The following LRRC37A2 variants were observed in gnomAD, a reference collection of about 807,000 sequenced individuals.
The protein encoded by LRRC37A2 is leucine rich repeat containing 37 member A2.
In LRRC37A2, 9 loss-of-function variants were observed where a neutral mutation model predicts 68.8. The ratio of observed to expected loss-of-function variants is 0.13; its 90% CI spans 0.08 to 0.23. The LOEUF is 0.23. LRRC37A2 is among the 10% of genes least tolerant of loss of function. LRRC37A2 has a pLI of 1.00. For synonymous variants in LRRC37A2, 63 were observed against 367.6 expected (o/e 0.17, Z 9.48); for missense variants, 168 against 950.4 (o/e 0.18, Z 10.82).
At chr17:46,710,983 A>G in the LRRC37A2 span, 2 of 1,593,556 alleles carry the variant, frequency 1.3e-6, no homozygotes, top group Non-Finnish European at 1.7e-6. Context: ...CAAACCAAGA[A>G]GATTATGCAA....
At chr17:46,858,469 T>C in the LRRC37A2 span, among the ~76,000 whole-genome samples, 4 of 143,798 alleles carry the variant, frequency 2.8e-5, no homozygotes, top group Non-Finnish European at 5.9e-5. Context: ...TTCTCCTTTT[T>C]ATTTTATTTT....
At chr17:46,888,611 G>A in the LRRC37A2 span, among the ~76,000 whole-genome samples, 7 of 152,134 alleles carry the variant, frequency 4.6e-5, 1 homozygote, top group Admixed American at 4.6e-4. Context: ...ACTAAGGGGG[G>A]TTCTTGGCTC....
the LRRC37A2 span, among the ~76,000 whole-genome samples, chr17:47,036,604 C>T: frequency 6.6e-6 from 1 of 151,582 alleles, no homozygotes; most frequent in African/African-American, 2.4e-5. Context: ...AACATTATTT[C>T]CACGTAGAAT....
the LRRC37A2 span, among the ~76,000 whole-genome samples, chr17:46,744,200 C>T: frequency 6.6e-6 from 1 of 152,212 alleles, no homozygotes; most frequent in East Asian, 1.9e-4. Flanking sequence ...TATTTGAAGG[C>T]ACAAACCAAA....
At chr17:46,755,379 TACA>T in the LRRC37A2 span, 1 of 1,609,508 alleles carries the variant, frequency 6.2e-7, no homozygotes, top group Non-Finnish European at 8.5e-7. Context: ...CGTAAGTACA[TACA>T]ACATTTAATG....
At chr17:46,866,643 A>G in the LRRC37A2 span, among the ~76,000 whole-genome samples, 1 of 152,114 alleles carries the variant, frequency 6.6e-6, no homozygotes, top group Non-Finnish European at 1.5e-5. Context: ...CACCCCGGGC[A>G]GCACAAGGCT....
At chr17:46,606,047 C>T in the LRRC37A2 span, among the ~76,000 whole-genome samples, 3 of 95,408 alleles carry the variant, frequency 3.1e-5, no homozygotes, top group Admixed American at 1.2e-4. Flanking sequence ...GGTGTGGTGG[C>T]GCATGCCTGT....
the LRRC37A2 span, among the ~76,000 whole-genome samples, chr17:46,849,525 T>A: frequency 6.6e-6 from 1 of 152,136 alleles, no homozygotes; most frequent in Non-Finnish European, 1.5e-5. Flanking sequence ...CTCACACTGG[T>A]CCAGCTCAGG....
chr17:46,765,415 A>C, the LRRC37A2 span, among the ~76,000 whole-genome samples: 1 of 152,246 alleles, frequency 6.6e-6, no homozygotes, highest in Admixed American at 6.5e-5. Context: ...GGTTAGCCAG[A>C]GACACTGGGT....
the LRRC37A2 span, among the ~76,000 whole-genome samples, chr17:47,012,220 A>AC: frequency 6.6e-6 from 1 of 152,090 alleles, no homozygotes; most frequent in East Asian, 1.9e-4. Context: ...TTGTCAATTT[A>AC]TTATTATTAT....
the LRRC37A2 span, among the ~76,000 whole-genome samples, chr17:46,841,107 G>A: frequency 1.4e-4 from 22 of 152,264 alleles, no homozygotes; most frequent in Non-Finnish European, 2.2e-4. Context: ...AGAGGGTGCC[G>A]ACAGACAAGG....
At chr17:46,680,448 A>G in the LRRC37A2 span, among the ~76,000 whole-genome samples, 3 of 151,922 alleles carry the variant, frequency 2.0e-5, no homozygotes, top group African/African-American at 7.3e-5. Flanking sequence ...ACAGCATACA[A>G]AATTGCAAGT....
chr17:46,987,251 CAATAAT>C, the LRRC37A2 span, among the ~76,000 whole-genome samples: 2 of 151,394 alleles, frequency 1.3e-5, no homozygotes, highest in Non-Finnish European at 2.9e-5. Flanking sequence ...TCAAAAATAA[CAATAAT>C]AATAATAATA....
the LRRC37A2 span, among the ~76,000 whole-genome samples, chr17:46,731,630 C>A: frequency 2.6e-5 from 4 of 151,952 alleles, no homozygotes; most frequent in Non-Finnish European, 4.4e-5. Context: ...GGAATTGGAT[C>A]ATTTAAAAAG....
the LRRC37A2 span, among the ~76,000 whole-genome samples, chr17:46,988,813 C>T: frequency 1.3e-5 from 2 of 152,190 alleles, no homozygotes; most frequent in Non-Finnish European, 2.9e-5. Flanking sequence ...ATTCACTGAA[C>T]ACGTACTGAG....
chr17:46,870,726 G>A, the LRRC37A2 span, among the ~76,000 whole-genome samples: 13 of 152,114 alleles, frequency 8.5e-5, no homozygotes, highest in African/African-American at 1.2e-4. Flanking sequence ...CAGATGTCCT[G>A]GCTAAGGCAG....
the LRRC37A2 span, among the ~76,000 whole-genome samples, chr17:46,961,119 A>G: frequency 6.6e-6 from 1 of 152,176 alleles, no homozygotes; most frequent in Non-Finnish European, 1.5e-5. Flanking sequence ...TAAAGTCCTG[A>G]TTTTGCCGAG....
the LRRC37A2 span, among the ~76,000 whole-genome samples, chr17:46,716,478 T>C: frequency 6.6e-6 from 1 of 152,100 alleles, no homozygotes; most frequent in Non-Finnish European, 1.5e-5. Context: ...AGGATGGTCT[T>C]GATCTCCTGA....
the LRRC37A2 span, among the ~76,000 whole-genome samples, chr17:46,852,905 CT>C: frequency 2.0e-5 from 3 of 152,092 alleles, no homozygotes; most frequent in Non-Finnish European, 4.4e-5. Context: ...GTCATGACCC[CT>C]GGTGGAAACA....
Sources: gnomAD v4.1 joint callset for allele counts (sites outside exome capture counted in the v4.1 genomes callset) on GRCh38, gnomAD v4.1.1 for gene constraint, MANE v1.5 for transcripts, NCBI Gene and HGNC (gene_info 2026-07-23, HGNC 2026-07-21) for gene names.